PTPRJ: variants seen among roughly 807,000 people sequenced by gnomAD.
PTPRJ encodes the protein protein tyrosine phosphatase receptor type J.
A neutral mutation model predicts 141.3 loss-of-function variants in PTPRJ; 129 were observed. The observed-to-expected ratio is 0.91, with a 90% CI of 0.79 to 1.06. The LOEUF is 1.06. Among genes scored for constraint, PTPRJ ranks in the 50% least tolerant of loss-of-function variants. The pLI, the probability that PTPRJ is intolerant of heterozygous loss-of-function variation, is 0.00. For synonymous variants in PTPRJ, 610 were observed against 640.5 expected (o/e 0.95, Z 0.72); for missense variants, 1,601 against 1,679.7 (o/e 0.95, Z 0.82).
chr11:48,082,540 G>A (rs1855589035), intron 1 of PTPRJ, among the ~76,000 whole-genome samples: 1 of 148,658 alleles, frequency 6.7e-6, no homozygotes, highest in African/African-American at 2.5e-5. Context: ...CTCACCCTTT[G>A]AGCCTCCTTA....
At chr11:47,994,666 A>G (rs1339103020) in intron 1 of PTPRJ, among the ~76,000 whole-genome samples, 1 of 151,984 alleles carries the variant, frequency 6.6e-6, no homozygotes, top group African/African-American at 2.4e-5. Context: ...TTCTGTCTCA[A>G]AAAAATAAAT....
At chr11:48,145,749 G>A (rs1021860229) in intron 14 of PTPRJ, among the ~76,000 whole-genome samples, 1 of 151,904 alleles carries the variant, frequency 6.6e-6, no homozygotes, top group South Asian at 2.1e-4. Context: ...AGTGGCGACG[G>A]GGTTTTGCTC....
chr11:48,096,744 G>A (rs546435731), intron 1 of PTPRJ: 11 of 154,918 alleles, frequency 7.1e-5, no homozygotes, highest in African/African-American at 2.6e-4. Context: ...AGTACCTGAA[G>A]CCAGTAGTTC....
intron 1 of PTPRJ, among the ~76,000 whole-genome samples, chr11:48,104,876 G>A (rs1432112053): frequency 2.0e-5 from 3 of 152,218 alleles, no homozygotes; most frequent in African/African-American, 4.8e-5. Flanking sequence ...TTCAGGGTCC[G>A]ATTGACCTTG....
At chr11:48,013,556 C>T (rs1362301796) in intron 1 of PTPRJ, among the ~76,000 whole-genome samples, 2 of 152,178 alleles carry the variant, frequency 1.3e-5, no homozygotes, top group African/African-American at 4.8e-5. Flanking sequence ...TCTTGCTTCT[C>T]ATGGGGGAAT....
At chr11:48,160,177 T>C in intron 22 of PTPRJ, 128 bp downstream of exon 22, 1 of 1,310,734 alleles carries the variant, frequency 7.6e-7, no homozygotes, top group Non-Finnish European at 1.1e-6. Flanking sequence ...CTGCTTTCCT[T>C]TCAGAACAGA....
At chr11:48,139,876 G>T in intron 11 of PTPRJ, 100 bp downstream of exon 11, 1 of 1,235,420 alleles carries the variant, frequency 8.1e-7, no homozygotes, top group South Asian at 1.5e-5. Context: ...ATCTGTTTTT[G>T]TTTTTTTATT....
intron 7 of PTPRJ, among the ~76,000 whole-genome samples, chr11:48,128,462 C>T (rs1856895867): frequency 6.6e-6 from 1 of 152,176 alleles, no homozygotes; most frequent in South Asian, 2.1e-4. Context: ...ATCACTGGCA[C>T]AGCTGTATCT....
At chr11:48,073,873 A>G (rs772751256) in intron 1 of PTPRJ, among the ~76,000 whole-genome samples, 18 of 152,208 alleles carry the variant, frequency 1.2e-4, no homozygotes, top group Non-Finnish European at 2.5e-4. Context: ...AGAGTATTAT[A>G]TTTAAGACAG....
At chr11:48,058,465 G>T (rs553316646) in intron 1 of PTPRJ, among the ~76,000 whole-genome samples, 1 of 151,994 alleles carries the variant, frequency 6.6e-6, no homozygotes, top group East Asian at 1.9e-4. Flanking sequence ...CTCCTGCCTT[G>T]GCCTGCTAAA....
At chr11:47,998,547 G>T (rs1477988477) in intron 1 of PTPRJ, among the ~76,000 whole-genome samples, 2 of 152,162 alleles carry the variant, frequency 1.3e-5, no homozygotes, top group Non-Finnish European at 2.9e-5. Context: ...CTATTGCTTT[G>T]TGATCAGCAG....
Position 48,125,113 on chromosome 11 carries a change from A to C in PTPRJ, c.1020A>C (p.Arg340=), listed in dbSNP as rs1472034012. The change falls in exon 6 of 25, where the codon CGA becomes CGC. Residue 340 remains arginine, a synonymous_variant. Transcript: ENST00000418331. Reference sequence around the variant, plus strand: ...TTGTCGGGTTAGAGCCTGGCACCCGATACAATGCCACCGTTTATTCCCAAG... The same window carrying C: ...TTGTCGGGTTAGAGCCTGGCACCCGCTACAATGCCACCGTTTATTCCCAAG... ...VLLVGLEPGT[R]YNATVYSQAA... 2 of 1,613,870 alleles carry C rather than the reference A, an allele frequency of 1.2e-6. No individual in the cohort carries two copies. Among genetic ancestry groups the C allele is most frequent in the Non-Finnish European group, 1.7e-6 (2 of 1,179,992 alleles).
In PTPRJ at chr11:48,137,102, G is replaced by T; in HGVS notation, c.1973G>T (p.Cys658Phe). Reference sequence around the variant, plus strand: ...GACGCCTCTCCCACGTACTCCTACTGCCTTCTTATTGAGAAGGCTGGAAAT... The same window carrying T: ...GACGCCTCTCCCACGTACTCCTACTTCCTTCTTATTGAGAAGGCTGGAAAT... ...FDDASPTYSY[C>F]LLIEKAGNSS... Residue 658 changes from cysteine (C) to phenylalanine (F), a missense_variant, in exon 10 of 25, where the codon TGC becomes TTC. Coordinates refer to ENST00000418331, the MANE Select transcript of PTPRJ (RefSeq NM_002843.4). 6.2e-7 allele frequency: 1 copy of T among 1,608,922 alleles called. No homozygotes were observed. Among genetic ancestry groups the T allele is most frequent in the Non-Finnish European group, 8.5e-7 (1 of 1,175,264 alleles).
At chr11:48,037,527 C>G (rs1236051457) in intron 1 of PTPRJ, among the ~76,000 whole-genome samples, 2 of 152,162 alleles carry the variant, frequency 1.3e-5, no homozygotes, top group Non-Finnish European at 2.9e-5. Flanking sequence ...AAAGTCCACA[C>G]ACGGCCAGGC....
intron 1 of PTPRJ, among the ~76,000 whole-genome samples, chr11:48,066,443 G>A (rs1855083682): frequency 6.6e-6 from 1 of 152,036 alleles, no homozygotes; most frequent in Admixed American, 6.6e-5. Flanking sequence ...CAGCCCCAGG[G>A]CACAGGGTGG....
At chr11:48,071,623 T>TTG (rs1855257350) in intron 1 of PTPRJ, among the ~76,000 whole-genome samples, 5 of 143,620 alleles carry the variant, frequency 3.5e-5, no homozygotes, top group Non-Finnish European at 7.6e-5. Context: ...TTTTTTTTTT[T>TTG]TTTGAGATGG....
rs765351387 is a variant in PTPRJ at position 47,988,605 on chromosome 11, C to T, written c.96+7597C>T. 3.9e-4 allele frequency among the ~76,000 whole-genome samples: 60 copies of T among 152,258 alleles called. 1 individual carries two copies. The highest frequency in any genetic ancestry group is 6.8e-3 in the Middle Eastern group (2 of 294). On this transcript the variant is annotated intron_variant, in intron 1 of 24. Coordinates refer to ENST00000418331, the MANE Select transcript of PTPRJ (RefSeq NM_002843.4). ...GTTGTTTTAGTACACCTCCCTGTCC[C>T]GTCACAAATCATACTTTGTAATGTT... is the stretch of plus-strand genomic sequence containing the variant.
At chr11:48,084,332 C>A (rs190746994) in intron 1 of PTPRJ, among the ~76,000 whole-genome samples, 162 of 152,188 alleles carry the variant, frequency 1.1e-3, no homozygotes, top group South Asian at 1.7e-3. Flanking sequence ...CTTGCCACCA[C>A]GCCCACACAC....
chr11:48,013,329 C>T lies in PTPRJ; in HGVS notation c.96+32321C>T, dbSNP rs564180852. Among the ~76,000 whole-genome samples, 4 of 152,066 alleles carry T rather than the reference C, an allele frequency of 2.6e-5. 1 individual carries two copies. In the South Asian group the frequency reaches 6.2e-4, roughly 24 times the overall value. Reference sequence around the variant, plus strand: ...CCAGGTATGGACCACAGGCTTGGAGCGCAGCAGCATACAGGGGTCAGAGGT... The same window carrying T: ...CCAGGTATGGACCACAGGCTTGGAGTGCAGCAGCATACAGGGGTCAGAGGT... On this transcript the variant is annotated intron_variant, in intron 1 of 24. Transcript: ENST00000418331.
Sources: allele counts gnomAD v4.1 joint callset (sites outside exome capture counted in the v4.1 genomes callset), GRCh38; gene constraint gnomAD v4.1.1; transcripts MANE v1.5; gene names NCBI Gene and HGNC (gene_info 2026-07-23, HGNC 2026-07-21).